Variants in CFAP300 observed in about 807,000 individuals in gnomAD.
The protein encoded by CFAP300 is cilia and flagella associated protein 300, also known as cilia- and flagella-associated protein 300.
CFAP300 carries 32 observed loss-of-function variants against 33.0 expected under a neutral mutation model. The observed-to-expected ratio is 0.97, with a 90% confidence interval of 0.73 to 1.30. CFAP300 has a LOEUF of 1.30. Ranked by LOEUF, CFAP300 falls within the 50% of genes most tolerant of loss-of-function variation. CFAP300 has a pLI of 0.00. For synonymous variants in CFAP300, 102 were observed against 106.8 expected (o/e 0.95, Z 0.28); for missense variants, 356 against 318.1 (o/e 1.12, Z -0.90).
Position 102,072,378 on chromosome 11 carries a change from C to G in CFAP300, c.436-3495C>G, listed in dbSNP as rs550779101. ...TTTTGGTGAATTTCTCATTCATATC[C>G]TGAATTGTTTTTCTGATTTCTTTGT... On this transcript the variant is annotated intron_variant, in intron 4 of 6. Coordinates refer to ENST00000434758, the MANE Select transcript of CFAP300 (RefSeq NM_032930.3). Among the ~76,000 whole-genome samples, 18 of 152,080 alleles carry G rather than the reference C, an allele frequency of 1.2e-4. No individual in the cohort carries two copies. In the East Asian group the frequency reaches 2.9e-3, roughly 24 times the overall value.
chr11:102,053,884 C>A (rs1431081197), intron 2 of CFAP300, among the ~76,000 whole-genome samples: 1 of 152,182 alleles, frequency 6.6e-6, no homozygotes. Context: ...TGGGTCACAC[C>A]AAACCTCTTC....
At chr11:102,055,761 C>T (rs572368357) in intron 2 of CFAP300, among the ~76,000 whole-genome samples, 2 of 151,026 alleles carry the variant, frequency 1.3e-5, no homozygotes, top group South Asian at 4.2e-4. Context: ...CAAGCTCTGC[C>T]TCCCGGGTTC....
intron 2 of CFAP300, among the ~76,000 whole-genome samples, chr11:102,055,743 G>A (rs1335190954): frequency 6.8e-6 from 1 of 147,008 alleles, no homozygotes; most frequent in Non-Finnish European, 1.5e-5. Context: ...CACGATCTTG[G>A]CTCACTGCAA....
At chr11:102,059,978 CTTACTTGTTTTTTGA>C (rs1260622794) in intron 3 of CFAP300, among the ~76,000 whole-genome samples, 18 of 151,236 alleles carry the variant, frequency 1.2e-4, no homozygotes, top group Non-Finnish European at 2.4e-4. Context: ...TGGTTTTTTG[CTTACTTGTTTTTTGA>C]GACAGTGTCT....
intron 2 of CFAP300, among the ~76,000 whole-genome samples, chr11:102,048,225 AT>A (rs1371687086): frequency 1.3e-5 from 2 of 151,544 alleles, no homozygotes; most frequent in Non-Finnish European, 2.9e-5. Context: ...ATTTTGTTTT[AT>A]TTTATTTTAT....
chr11:102,081,110 T>C, intron 5 of CFAP300, 105 bp from the exon 6 acceptor site: 1 of 819,684 alleles, frequency 1.2e-6, no homozygotes. Context: ...TGTATTTCCA[T>C]GTTCTATATG....
intron 5 of CFAP300, among the ~76,000 whole-genome samples, chr11:102,076,945 G>A (rs917707097): frequency 5.9e-5 from 9 of 152,114 alleles, no homozygotes; most frequent in Admixed American, 5.2e-4. Flanking sequence ...AAGAAGATAT[G>A]TTAGAAACAG....
chr11:102,083,169 C>CCACTGTTATGGTATAA lies in CFAP300; in HGVS notation c.786_787insATAACACTGTTATGGT (p.Val263IlefsTer30), dbSNP rs1185434638. 2.6e-6 allele frequency: 4 copies of CCACTGTTATGGTATAA among 1,548,758 alleles called. No homozygotes were observed. In the South Asian group the frequency reaches 5.0e-5, roughly 19 times the overall value. ...TCAGGCGTCACCTTCATGTTTTATACCACTGTTATGGTGTGGGAGACATGT... is the reference window on the plus strand; with the variant it reads ...TCAGGCGTCACCTTCATGTTTTATACCACTGTTATGGTATAACACTGTTATGGTGTGGGAGACATGT... On this transcript the variant is annotated frameshift_variant, in exon 7 of 7. Transcript: ENST00000434758. LOFTEE classifies it high-confidence loss of function.
chr11:102,072,694 T>G (rs1166509168), intron 4 of CFAP300, among the ~76,000 whole-genome samples: 1 of 152,208 alleles, frequency 6.6e-6, no homozygotes, highest in Non-Finnish European at 1.5e-5. Context: ...TTTGGAGGTG[T>G]CATCTTTTCT....
intron 5 of CFAP300, among the ~76,000 whole-genome samples, chr11:102,077,331 G>A (rs1942410614): frequency 6.6e-6 from 1 of 152,116 alleles, no homozygotes; most frequent in Admixed American, 6.5e-5. Context: ...CTACATTTTT[G>A]GATGCTAAGA....
At chr11:102,058,789 G>A in intron 2 of CFAP300, 91 bp from the exon 3 acceptor site, 1 of 722,050 alleles carries the variant, frequency 1.4e-6, no homozygotes. Flanking sequence ...CTTTCTATTT[G>A]AATTAAAGGA....
chr11:102,074,569 T>C (rs1404363514), intron 4 of CFAP300, among the ~76,000 whole-genome samples: 2 of 152,196 alleles, frequency 1.3e-5, no homozygotes, highest in Non-Finnish European at 1.5e-5. Context: ...GAGTGCCAGA[T>C]GCTTCTAGTC....
Position 102,083,148 on chromosome 11 carries a change from G to T in CFAP300, c.753G>T (p.Arg251Ser), listed in dbSNP as rs1370590998. Residue 251 changes from arginine (R) to serine (S), a missense_variant, in exon 7 of 7, where the codon AGG becomes AGT. Arg to Ser is a moderately radical substitution (Grantham distance 110). Transcript: ENST00000434758. ...CTTACTTTATTGTGGATCCTATCAGGCGTCACCTTCATGTTTTATACCACT... is the reference window on the plus strand; with the variant it reads ...CTTACTTTATTGTGGATCCTATCAGTCGTCACCTTCATGTTTTATACCACT... ...TFSYFIVDPI[R>S]RHLHVLYHCY... 23 of 1,566,928 alleles carry T rather than the reference G, an allele frequency of 1.5e-5. No homozygotes were observed. Among genetic ancestry groups the T allele is most frequent in the Non-Finnish European group, 1.7e-5 (20 of 1,154,366 alleles).
At position 102,076,056 on chromosome 11, in the gene CFAP300, T is replaced by C. The variant is rs748610887; in HGVS notation, c.608+11T>C. On this transcript the variant is annotated intron_variant, in intron 5 of 6. Transcript: ENST00000434758. ...TAAGGATCTGGTGAGGTAATGTTGC[T>C]AGATCACAATATGTAAATCTCTAGT... 6.3e-7 allele frequency: 1 copy of C among 1,596,324 alleles called. No homozygotes were observed. Among genetic ancestry groups the C allele is most frequent in the South Asian group, 1.2e-5 (1 of 86,854 alleles).
At chr11:102,080,344 TA>T (rs1387902262) in intron 5 of CFAP300, among the ~76,000 whole-genome samples, 2 of 152,140 alleles carry the variant, frequency 1.3e-5, no homozygotes, top group Non-Finnish European at 2.9e-5. Context: ...TGAAAAAAAT[TA>T]TTTTTAATAT....
intron 2 of CFAP300, among the ~76,000 whole-genome samples, chr11:102,056,471 A>C (rs1942058306): frequency 6.6e-6 from 1 of 152,206 alleles, no homozygotes; most frequent in African/African-American, 2.4e-5. Flanking sequence ...AAAAGTTACC[A>C]GTCTTTTTAA....
At position 102,083,070 on chromosome 11, in the gene CFAP300, G is replaced by C; in HGVS notation, c.676-1G>C. ...TAATAATTTAGGTTTGTCTTTTTCA[G>C]GATTCTGCTGGTATGTGCTATCCTT... On this transcript the variant is annotated splice_acceptor_variant, in intron 6 of 6. Transcript: ENST00000434758. LOFTEE classifies it high-confidence loss of function. The C allele has an allele frequency of 7.1e-7, 1 of 1,404,070 alleles. No individual in the cohort carries two copies. The highest frequency in any genetic ancestry group is 9.3e-7 in the Non-Finnish European group (1 of 1,074,886). 87.0% of individuals were successfully genotyped at this position (1,404,070 alleles called of 1,614,324 possible).
rs546750992 is a variant in CFAP300 at position 102,053,951 on chromosome 11, A to G, written c.193-4929A>G. ...TCACCTTACAGCCTTCATACTTACC[A>G]TTTTCTCTCCCTTAAAAAATGGTAA... On this transcript the variant is annotated intron_variant, in intron 2 of 6. Transcript: ENST00000434758. Among the ~76,000 whole-genome samples, 8 of 151,984 alleles carry G rather than the reference A, an allele frequency of 5.3e-5. 1 individual carries two copies. Among genetic ancestry groups the G allele is most frequent in the Non-Finnish European group, 1.2e-4 (8 of 67,990 alleles).
chr11:102,052,106 A>C (rs1290457538), intron 2 of CFAP300, among the ~76,000 whole-genome samples: 4 of 152,206 alleles, frequency 2.6e-5, no homozygotes, highest in Non-Finnish European at 4.4e-5. Flanking sequence ...TAATCTCAAT[A>C]ATGTAACTTG....
Sources: allele counts gnomAD v4.1 joint callset (sites outside exome capture counted in the v4.1 genomes callset), GRCh38; gene constraint gnomAD v4.1.1; transcripts MANE v1.5; gene names NCBI Gene and HGNC (gene_info 2026-07-23, HGNC 2026-07-21).